LRRTM3: variants seen among roughly 807,000 people sequenced by gnomAD.
LRRTM3 encodes leucine rich repeat transmembrane neuronal 3.
In LRRTM3, 24 loss-of-function variants were observed where a neutral mutation model predicts 44.7. The ratio of observed to expected loss-of-function variants is 0.54; its 90% CI spans 0.39 to 0.76. The LOEUF (loss-of-function observed/expected upper bound fraction) is 0.76. Ranked by LOEUF, LRRTM3 falls within the 30% of genes least tolerant of loss-of-function variation. The pLI, the probability that LRRTM3 is intolerant of heterozygous loss-of-function variation, is 0.00. For missense variants in LRRTM3, 587 were observed against 702.2 expected (o/e 0.84, Z 1.85); for synonymous variants, 277 against 278.7 (o/e 0.99, Z 0.06).
chr10:66,952,032 C>T (rs1013874900), intron 2 of LRRTM3, among the ~76,000 whole-genome samples: 2 of 152,126 alleles, frequency 1.3e-5, no homozygotes, highest in African/African-American at 4.8e-5. Flanking sequence ...ATTCCAGATC[C>T]GTGACATTCA....
rs1412461798 is a variant in LRRTM3 at position 66,950,811 on chromosome 10, G to A, written c.1536+22359G>A. The stretch of plus-strand genomic sequence containing the variant: ...TCATATAAGGGCCACACTGTGTGAG[G>A]GGCATAGAGAGAGATTTTAGAGGCT... On this transcript the variant is annotated intron_variant, in intron 2 of 2. Coordinates refer to ENST00000361320, the MANE Select transcript of LRRTM3 (RefSeq NM_178011.5). Among the ~76,000 whole-genome samples, 7 of 152,096 alleles carry A rather than the reference G, an allele frequency of 4.6e-5. No individual in the cohort carries two copies. The South Asian group carries it at 1.2e-3, about 27-fold the overall frequency.
At chr10:66,934,671 A>C (rs149588260) in intron 2 of LRRTM3, among the ~76,000 whole-genome samples, 135 of 152,204 alleles carry the variant, frequency 8.9e-4, no homozygotes, top group African/African-American at 3.2e-3. Context: ...ATAGGACTTT[A>C]TGTATAGGGG....
chr10:67,022,846 G>A (rs1395434268), intron 2 of LRRTM3, among the ~76,000 whole-genome samples: 3 of 152,138 alleles, frequency 2.0e-5, no homozygotes, highest in Admixed American at 2.0e-4. Context: ...GCTGAGGCAG[G>A]AGAATAGCTT....
intron 2 of LRRTM3, among the ~76,000 whole-genome samples, chr10:66,946,587 G>C (rs1564786812): frequency 2.0e-5 from 3 of 152,040 alleles, no homozygotes; most frequent in African/African-American, 7.2e-5. Flanking sequence ...ACCTGTAACA[G>C]CATAGGGTAG....
Position 67,097,778 on chromosome 10 carries a change from T to C in LRRTM3, c.1728T>C (p.His576=). 6.2e-7 allele frequency: 1 copy of C among 1,612,286 alleles called. No homozygotes were observed. The highest frequency in any genetic ancestry group is 8.5e-7 in the Non-Finnish European group (1 of 1,178,848). Residue 576 remains histidine, a synonymous_variant, in exon 3 of 3, where the codon CAT becomes CAC. Transcript: ENST00000361320. Reference sequence around the variant, plus strand: ...CAACAGCTGGCCGAATCAGTGACCATAAACAGCAGCTAGCTTAACTGAGAT... The same window carrying C: ...CAACAGCTGGCCGAATCAGTGACCACAAACAGCAGCTAGCTTAACTGAGAT... ...TITTAGRISD[H]KQQLA is the part of the protein sequence containing the mutation.
intron 2 of LRRTM3, among the ~76,000 whole-genome samples, chr10:67,028,477 G>T (rs1853522407): frequency 6.6e-6 from 1 of 151,890 alleles, no homozygotes; most frequent in Admixed American, 6.6e-5. Flanking sequence ...TAGTACTTGA[G>T]AGTGGATGGC....
rs575682072 is a variant in LRRTM3, at chr10:66,932,753, C to T, written c.1536+4301C>T. Among the ~76,000 whole-genome samples the T allele has an allele frequency of 2.6e-5, 4 of 152,142 alleles. No individual in the cohort carries two copies. The East Asian group carries it at 7.7e-4, about 29-fold the overall frequency. On this transcript the variant is annotated intron_variant, in intron 2 of 2. Coordinates refer to ENST00000361320, the MANE Select transcript of LRRTM3 (RefSeq NM_178011.5). ...GTCACTGCTTTCCTAATCATAATAG[C>T]CTACAGAATTGGACCCAAATTCTTT... is the stretch of plus-strand genomic sequence containing the variant.
At chr10:66,944,865 T>C (rs1848200504) in intron 2 of LRRTM3, among the ~76,000 whole-genome samples, 1 of 152,166 alleles carries the variant, frequency 6.6e-6, no homozygotes, top group Non-Finnish European at 1.5e-5. Flanking sequence ...GCATTATCAG[T>C]GAGCAGTAAT....
At chr10:66,940,425 G>T (rs1462257947) in intron 2 of LRRTM3, among the ~76,000 whole-genome samples, 1 of 152,132 alleles carries the variant, frequency 6.6e-6, no homozygotes, top group African/African-American at 2.4e-5. Context: ...AGTGAGCAAC[G>T]ATTGCACCAC....
chr10:66,978,237 T>C (rs1589533147), intron 2 of LRRTM3, among the ~76,000 whole-genome samples: 2 of 152,014 alleles, frequency 1.3e-5, no homozygotes, highest in African/African-American at 4.8e-5. Context: ...AACAATATTG[T>C]ATTGTGGGCC....
chr10:67,046,054 T>G (rs1854724562), intron 2 of LRRTM3, among the ~76,000 whole-genome samples: 1 of 152,054 alleles, frequency 6.6e-6, no homozygotes, highest in Non-Finnish European at 1.5e-5. Context: ...TACAACAAAT[T>G]TCAGACTGCC....
intron 2 of LRRTM3, among the ~76,000 whole-genome samples, chr10:66,963,357 T>C (rs1849227562): frequency 6.6e-6 from 1 of 152,162 alleles, no homozygotes; most frequent in Admixed American, 6.6e-5. Context: ...AGTTATTTGC[T>C]TGTAGTATGG....
chr10:66,943,330 A>C (rs187165301), intron 2 of LRRTM3, among the ~76,000 whole-genome samples: 49 of 152,244 alleles, frequency 3.2e-4, no homozygotes, highest in Admixed American at 1.8e-3. Context: ...GTTAAATCTT[A>C]TTAGATTTTT....
chr10:67,044,267 T>C (rs1377526021), intron 2 of LRRTM3, among the ~76,000 whole-genome samples: 2 of 152,180 alleles, frequency 1.3e-5, no homozygotes, highest in Non-Finnish European at 2.9e-5. Flanking sequence ...CAATTGATTA[T>C]AGCCTAATCC....
intron 2 of LRRTM3, among the ~76,000 whole-genome samples, chr10:67,057,570 T>C (rs777536817): frequency 6.6e-6 from 1 of 152,172 alleles, no homozygotes; most frequent in Non-Finnish European, 1.5e-5. Context: ...TCTAGGTTTA[T>C]CCATGTTGTC....
At chr10:66,948,821 C>T (rs971678492) in intron 2 of LRRTM3, among the ~76,000 whole-genome samples, 1 of 152,094 alleles carries the variant, frequency 6.6e-6, no homozygotes, top group African/African-American at 2.4e-5. Flanking sequence ...ATCCATAAAT[C>T]ATAACATAAA....
chr10:67,039,537 G>A (rs1854268934), intron 2 of LRRTM3, among the ~76,000 whole-genome samples: 1 of 152,058 alleles, frequency 6.6e-6, no homozygotes, highest in East Asian at 1.9e-4. Flanking sequence ...AATTTATTAG[G>A]AGAGTTGTTG....
intron 2 of LRRTM3, among the ~76,000 whole-genome samples, chr10:67,066,486 T>C (rs1048528948): frequency 1.3e-5 from 2 of 148,384 alleles, no homozygotes; most frequent in Non-Finnish European, 3.0e-5. Context: ...CCACCGCACC[T>C]GGCCAAGTCC....
chr10:67,027,560 G>A (rs1853470020), intron 2 of LRRTM3, among the ~76,000 whole-genome samples: 1 of 150,892 alleles, frequency 6.6e-6, no homozygotes, highest in South Asian at 2.1e-4. Flanking sequence ...TCAGCCTTCC[G>A]AGTAGCTGAG....
Sources: allele counts gnomAD v4.1 joint callset (sites outside exome capture counted in the v4.1 genomes callset), GRCh38; gene constraint gnomAD v4.1.1; transcripts MANE v1.5; gene names NCBI Gene and HGNC (gene_info 2026-07-23, HGNC 2026-07-21).